Variants in KCNIP4 observed in about 807,000 individuals in gnomAD.
The protein encoded by KCNIP4 is potassium voltage-gated channel interacting protein 4.
In KCNIP4, 12 loss-of-function variants were observed where a neutral mutation model predicts 34.0. The observed-to-expected ratio is 0.35, with a 90% confidence interval of 0.23 to 0.57. The LOEUF is 0.57. Among genes scored for constraint, KCNIP4 ranks in the 20% least tolerant of loss-of-function variants. KCNIP4 has a pLI of 0.83. For missense variants in KCNIP4, 238 were observed against 311.7 expected, an observed-to-expected ratio of 0.76 and a Z score of 1.78; for synonymous variants, 124 against 102.2, an observed-to-expected ratio of 1.21 and a Z score of -1.29.
At chr4:21,927,580 C>A (rs1578152176) in intron 1 of KCNIP4, among the ~76,000 whole-genome samples, 1 of 152,140 alleles carries the variant, frequency 6.6e-6, no homozygotes, top group African/African-American at 2.4e-5. Context: ...ATGGCCATAA[C>A]CCACCTTAGA....
intron 1 of KCNIP4, among the ~76,000 whole-genome samples, chr4:20,985,799 G>A (rs555625453): frequency 5.9e-5 from 9 of 152,150 alleles, no homozygotes; most frequent in Non-Finnish European, 1.0e-4. Context: ...AGTGGTATCA[G>A]GAAGGAGACT....
chr4:21,032,126 G>T (rs933784957), intron 1 of KCNIP4, among the ~76,000 whole-genome samples: 4 of 152,126 alleles, frequency 2.6e-5, no homozygotes, highest in Non-Finnish European at 5.9e-5. Flanking sequence ...TATCCTCTGT[G>T]TAACTGTCCT....
At chr4:21,004,342 A>G (rs1458559698) in intron 1 of KCNIP4, among the ~76,000 whole-genome samples, 1 of 152,200 alleles carries the variant, frequency 6.6e-6, no homozygotes, top group Non-Finnish European at 1.5e-5. Flanking sequence ...GCGACTCCCA[A>G]ATTTCTAACT....
intron 1 of KCNIP4, among the ~76,000 whole-genome samples, chr4:21,327,062 T>C (rs181501358): frequency 6.6e-5 from 10 of 152,198 alleles, no homozygotes; most frequent in African/African-American, 2.4e-4. Flanking sequence ...TTTTACTCAA[T>C]ATATGAGTAG....
rs1291178675 is a variant in KCNIP4 at position 21,287,607 on chromosome 4, A to G, written c.62-404898T>C. Among the ~76,000 whole-genome samples, 4 of 152,290 alleles carry G rather than the reference A, an allele frequency of 2.6e-5. No homozygotes were observed. In the East Asian group the frequency reaches 5.8e-4, roughly 22 times the overall value. On this transcript the variant is annotated intron_variant, in intron 1 of 8. Coordinates refer to ENST00000382152, the MANE Select transcript of KCNIP4 (RefSeq NM_025221.6). ...AGTTAATTTACGTCTCAAAAGTCCT[A>G]CTAGTTACTTACGTAAGGAAGTTTG...
At chr4:21,177,834 C>A (rs1414309220) in intron 1 of KCNIP4, among the ~76,000 whole-genome samples, 3 of 142,688 alleles carry the variant, frequency 2.1e-5, no homozygotes, top group Non-Finnish European at 3.0e-5. Flanking sequence ...GGCAACAGAG[C>A]AAGACTATGT....
At chr4:20,988,594 C>T (rs373406653) in intron 1 of KCNIP4, among the ~76,000 whole-genome samples, 5 of 152,180 alleles carry the variant, frequency 3.3e-5, no homozygotes, top group South Asian at 4.1e-4. Flanking sequence ...TTGAGAAAAA[C>T]GTTAAAATTC....
chr4:21,635,144 C>T (rs73254390), intron 1 of KCNIP4, among the ~76,000 whole-genome samples: 4,502 of 152,196 alleles, frequency 0.03, 72 homozygotes, highest in South Asian at 0.073. Context: ...CCTGACCCAA[C>T]GAGGAGGTTA....
At chr4:21,064,241 G>T (rs532628407) in intron 1 of KCNIP4, among the ~76,000 whole-genome samples, 3 of 151,970 alleles carry the variant, frequency 2.0e-5, no homozygotes, top group Non-Finnish European at 4.4e-5. Flanking sequence ...ATGATCTTTA[G>T]TTAATGATTT....
intron 3 of KCNIP4, among the ~76,000 whole-genome samples, chr4:20,786,095 G>A (rs1436776014): frequency 6.6e-6 from 1 of 152,026 alleles, no homozygotes; most frequent in Admixed American, 6.6e-5. Flanking sequence ...TACATATACA[G>A]CATGCAATAT....
At chr4:21,110,802 G>A (rs1045161877) in intron 1 of KCNIP4, among the ~76,000 whole-genome samples, 11 of 152,290 alleles carry the variant, frequency 7.2e-5, no homozygotes, top group Non-Finnish European at 1.5e-4. Flanking sequence ...GGATCATGAC[G>A]CAGGCCCTTA....
At chr4:21,495,679 T>C (rs958240561) in intron 1 of KCNIP4, among the ~76,000 whole-genome samples, 1 of 152,126 alleles carries the variant, frequency 6.6e-6, no homozygotes, top group African/African-American at 2.4e-5. Context: ...CATGTTATTA[T>C]CCACGAGTTC....
At chr4:21,816,498 G>C (rs900155274) in intron 1 of KCNIP4, among the ~76,000 whole-genome samples, 2 of 152,118 alleles carry the variant, frequency 1.3e-5, no homozygotes, top group Admixed American at 6.6e-5. Flanking sequence ...CAAAAGCCAA[G>C]TCAAAGAGCT....
At chr4:21,234,713 T>C (rs1165821240) in intron 1 of KCNIP4, among the ~76,000 whole-genome samples, 1 of 150,800 alleles carries the variant, frequency 6.6e-6, no homozygotes, top group Non-Finnish European at 1.5e-5. Context: ...AGTGGTGCAA[T>C]CTCAGCTCAC....
At chr4:20,999,174 T>C (rs1435075374) in intron 1 of KCNIP4, among the ~76,000 whole-genome samples, 1 of 152,134 alleles carries the variant, frequency 6.6e-6, no homozygotes, top group African/African-American at 2.4e-5. Context: ...AAAAATCTGT[T>C]ACTTATAGAG....
rs1304921701 is a variant in KCNIP4 at position 20,732,714 on chromosome 4, A to G, written c.609T>C (p.Asp203=). The part of the protein sequence containing the change: ...GKCTYPVLKE[D]APRQHVETFF... ...ATGTTTCAACGTGTTGTCTGGGAGC[A>G]TCTTCTTTGAGGACAGGATATGTAC... Residue 203 remains aspartate (D), a synonymous_variant, in exon 7 of 9, where the codon GAT becomes GAC. Transcript: ENST00000382152. 1.9e-6 allele frequency: 3 copies of G among 1,612,574 alleles called. No individual in the cohort carries two copies. Among genetic ancestry groups the G allele is most frequent in the South Asian group, 2.2e-5 (2 of 91,048 alleles).
At chr4:21,400,557 TC>T (rs879615310) in intron 1 of KCNIP4, among the ~76,000 whole-genome samples, 6,189 of 98,180 alleles carry the variant, frequency 0.063, 324 homozygotes, top group Non-Finnish European at 0.1. Context: ...TCTCTTCTCT[TC>T]TCTTCTCTTC....
intron 1 of KCNIP4, among the ~76,000 whole-genome samples, chr4:21,004,182 C>CT (rs1353562061): frequency 4.6e-5 from 7 of 152,072 alleles, no homozygotes; most frequent in Non-Finnish European, 1.0e-4. Context: ...ATGAGTTGGG[C>CT]TTATAATATT....
intron 1 of KCNIP4, among the ~76,000 whole-genome samples, chr4:21,350,906 G>T (rs1353926676): frequency 6.6e-6 from 1 of 152,112 alleles, no homozygotes; most frequent in Non-Finnish European, 1.5e-5. Flanking sequence ...CCACAAAGAA[G>T]AAACTGTTAT....
Sources: allele counts gnomAD v4.1 joint callset (sites outside exome capture counted in the v4.1 genomes callset), GRCh38; gene constraint gnomAD v4.1.1; transcripts MANE v1.5; gene names NCBI Gene and HGNC (gene_info 2026-07-23, HGNC 2026-07-21).